The following HEPH variants were observed in gnomAD, a reference collection of about 807,000 sequenced individuals.
The protein encoded by HEPH is hephaestin.
A neutral mutation model predicts 80.8 loss-of-function variants in HEPH; 69 were observed. The observed-to-expected ratio is 0.85, with a 90% confidence interval of 0.70 to 1.04. HEPH has a LOEUF of 1.04. Ranked by LOEUF, HEPH falls within the 50% of genes least tolerant of loss-of-function variation. The pLI is 0.00. For synonymous variants in HEPH, 431 were observed against 322.8 expected (o/e 1.34, Z -3.60); for missense variants, 1,115 against 891.3 (o/e 1.25, Z -3.20).
At chrX:66,168,854 A>AATC (rs1220637518) in intron 1 of HEPH, among the ~76,000 whole-genome samples, 1 of 111,950 alleles carries the variant, frequency 8.9e-6, no homozygotes, top group African/African-American at 3.2e-5. Flanking sequence ...TCATTAATAT[A>AATC]ATCTATTAGT....
chrX:66,207,661 GT>G (rs2088866064), intron 14 of HEPH, among the ~76,000 whole-genome samples: 1 of 111,371 alleles, frequency 9.0e-6, no homozygotes, highest in Non-Finnish European at 1.9e-5. Context: ...CAAGGAATCA[GT>G]TTTTTCATTG....
intron 19 of HEPH, among the ~76,000 whole-genome samples, chrX:66,262,413 G>C (rs2091397814): frequency 9.0e-6 from 1 of 111,544 alleles, no homozygotes. Flanking sequence ...CTCTCTGATG[G>C]AGCAAATAGA....
At chrX:66,251,660 A>G (rs778747719) in intron 15 of HEPH, among the ~76,000 whole-genome samples, 25 of 111,471 alleles carry the variant, frequency 2.2e-4, no homozygotes, top group Non-Finnish European at 3.0e-4. Flanking sequence ...TTAGGCTGAT[A>G]TTTGAATGTA....
In HEPH at chrX:66,203,652, G is replaced by A. The variant is rs2088601548; in HGVS notation, c.2291+75G>A. On this transcript the variant is annotated intron_variant, in intron 13 of 20. Coordinates refer to ENST00000343002, the MANE Select transcript of HEPH (RefSeq NM_001367233.3). ...AATGAGAATACTGAAATTCTGAGAT[G>A]AGGAGACTCTTATCTCAGGTCTCCT... is the stretch of plus-strand genomic sequence containing the variant. 6.7e-6 allele frequency: 6 copies of A among 894,206 alleles called. No homozygotes were observed. In the Admixed American group the frequency reaches 1.4e-4, roughly 20 times the overall value. 73.7% of individuals were successfully genotyped at this position (894,206 alleles called of 1,213,427 possible).
At chrX:66,164,590 G>C (rs1054311654) in intron 1 of HEPH, 120 bp downstream of exon 1, 2 of 439,592 alleles carry the variant, frequency 4.5e-6, no homozygotes, top group Non-Finnish European at 5.7e-6. Context: ...TGGCCAAAAA[G>C]TTGGAGGAGG....
At position 66,180,014 on chromosome X, in the gene HEPH, T is replaced by A. The variant is rs150193246; in HGVS notation, c.625+6213T>A. Among the ~76,000 whole-genome samples, 360 of 111,557 alleles carry A rather than the reference T, an allele frequency of 3.2e-3. 4 individuals carry two copies. The highest frequency in any genetic ancestry group is 0.011 in the African/African-American group (341 of 30,721). ...GTCTCCTGAAGCAGGAGATGGTTGG[T>A]GACTTCTTTTCCATTCTGCATTTTT... is the stretch of plus-strand genomic sequence containing the variant. On this transcript the variant is annotated intron_variant, in intron 4 of 20. Coordinates refer to ENST00000343002, the MANE Select transcript of HEPH (RefSeq NM_001367233.3).
intron 4 of HEPH, among the ~76,000 whole-genome samples, chrX:66,176,562 A>C (rs979751175): frequency 9.0e-6 from 1 of 111,189 alleles, no homozygotes; most frequent in Non-Finnish European, 1.9e-5. Flanking sequence ...GGTTTGTTAC[A>C]TATGTATACA....
chrX:66,241,930 A>G (rs1377165200), intron 15 of HEPH, among the ~76,000 whole-genome samples: 1 of 111,091 alleles, frequency 9.0e-6, no homozygotes, highest in East Asian at 2.8e-4. Context: ...TGTTAAAATG[A>G]CCATACCACC....
intron 1 of HEPH, among the ~76,000 whole-genome samples, chrX:66,166,045 A>T (rs983506173): frequency 9.0e-6 from 1 of 111,339 alleles, no homozygotes; most frequent in Admixed American, 9.6e-5. Context: ...CTCATTTAAG[A>T]CATGAGGAAA....
chrX:66,249,833 G>A (rs1353466143), intron 15 of HEPH, among the ~76,000 whole-genome samples: 2 of 111,766 alleles, frequency 1.8e-5, no homozygotes, highest in Admixed American at 1.9e-4. Context: ...AGTGGATTCT[G>A]ATGCTGCTGG....
At chrX:66,213,521 C>T (rs1407387415) in intron 15 of HEPH, among the ~76,000 whole-genome samples, 2 of 111,654 alleles carry the variant, frequency 1.8e-5, no homozygotes, top group Non-Finnish European at 3.8e-5. Context: ...AGCTCTTTCA[C>T]CTCTTTGGTT....
At chrX:66,235,565 G>T (rs944488054) in intron 15 of HEPH, among the ~76,000 whole-genome samples, 1 of 111,425 alleles carries the variant, frequency 9.0e-6, no homozygotes, top group Non-Finnish European at 1.9e-5. Flanking sequence ...TGGTCTATGT[G>T]TCTATTTTTG....
intron 7 of HEPH, among the ~76,000 whole-genome samples, chrX:66,192,672 C>T (rs1420200073): frequency 1.8e-5 from 2 of 111,810 alleles, no homozygotes; most frequent in African/African-American, 6.5e-5. Context: ...CCTCCTTGCT[C>T]CTTCATTTCT....
At chrX:66,248,208 C>T (rs1185316216) in intron 15 of HEPH, among the ~76,000 whole-genome samples, 1 of 111,627 alleles carries the variant, frequency 9.0e-6, no homozygotes, top group South Asian at 3.8e-4. Context: ...GTTTCACTTT[C>T]TATGCTTTCA....
Position 66,258,108 on chromosome X carries a change from G to T in HEPH, c.2897-732G>T, listed in dbSNP as rs927307619. Reference sequence around the variant, plus strand: ...TACTGGGTGTTCTGAGAAAATACAAGGAAGCTATAGTAATGCAGTGTATAC... The same window carrying T: ...TACTGGGTGTTCTGAGAAAATACAATGAAGCTATAGTAATGCAGTGTATAC... On this transcript the variant is annotated intron_variant, in intron 17 of 20. Coordinates refer to ENST00000343002, the MANE Select transcript of HEPH (RefSeq NM_001367233.3). 7.2e-5 allele frequency among the ~76,000 whole-genome samples: 8 copies of T among 111,882 alleles called. No homozygotes were observed. The Admixed American group carries it at 7.6e-4, about 11-fold the overall frequency.
rs772428815 is a variant in HEPH, at chrX:66,267,184, G to C, written c.*512G>C. ...GTATTGGGAATCCAAATTGAATTTT[G>C]ATTCTCCTTGGCAGTGAACTACTTT... On this transcript the variant is annotated 3_prime_UTR_variant, in exon 21 of 21. Transcript: ENST00000343002. 2 of 115,916 alleles carry C rather than the reference G, an allele frequency of 1.7e-5. No homozygotes were observed. Among genetic ancestry groups the C allele is most frequent in the African/African-American group, 6.5e-5 (2 of 30,876 alleles). 9.6% of individuals were successfully genotyped at this position (115,916 alleles called of 1,213,427 possible).
chrX:66,192,006 G>A, intron 6 of HEPH, 124 bp from the exon 7 acceptor site: 1 of 636,947 alleles, frequency 1.6e-6, no homozygotes, highest in Non-Finnish European at 2.3e-6. Flanking sequence ...GCCCATTTTG[G>A]AGCAGGAGTA....
At chrX:66,219,911 G>A (rs143094142) in intron 15 of HEPH, among the ~76,000 whole-genome samples, 2 of 111,456 alleles carry the variant, frequency 1.8e-5, no homozygotes, top group East Asian at 5.7e-4. Flanking sequence ...TGCAACTTTG[G>A]GAATTTACTA....
upstream of HEPH, chrX:66,162,745 C>T: frequency 8.7e-7 from 1 of 1,155,971 alleles, no homozygotes; most frequent in South Asian, 1.9e-5. Context: ...AGACTTTGCC[C>T]TACCACCTCA....
Sources: allele counts gnomAD v4.1 joint callset (sites outside exome capture counted in the v4.1 genomes callset), GRCh38; gene constraint gnomAD v4.1.1; transcripts MANE v1.5; gene names NCBI Gene and HGNC (gene_info 2026-07-23, HGNC 2026-07-21).